ANO7: variants seen among roughly 807,000 people sequenced by gnomAD.
The protein encoded by ANO7 is anoctamin-7.
ANO7 carries 114 observed loss-of-function variants against 115.8 expected under a neutral mutation model. The ratio of observed to expected loss-of-function variants is 0.98; its 90% CI spans 0.85 to 1.15. The LOEUF is 1.15. Among genes scored for constraint, ANO7 ranks in the 50% most tolerant of loss-of-function variants. ANO7 has a pLI of 0.00. For missense variants in ANO7, 1,302 were observed against 1,201.2 expected (o/e 1.08, Z -1.24); for synonymous variants, 550 against 498.2 (o/e 1.10, Z -1.38).
At chr2:241,235,064 T>C in the ANO7 span, 6 of 1,585,844 alleles carry the variant, frequency 3.8e-6, no homozygotes, top group East Asian at 4.5e-5. Context: ...GATTCTGACA[T>C]GTGCCCAAAG....
In ANO7 at chr2:241,188,810, A is replaced by G; in HGVS notation, c.-8+44A>G. 1 of 1,592,908 alleles carries G rather than the reference A, an allele frequency of 6.3e-7. No homozygotes were observed. Among genetic ancestry groups the G allele is most frequent in the Non-Finnish European group, 8.6e-7 (1 of 1,167,328 alleles). ...CGTGTGGGCCACAGGGAGAAGGTGGAGCGTTGGACTCTAGGGAGGCAGGGC... is the reference window on the plus strand; with the variant it reads ...CGTGTGGGCCACAGGGAGAAGGTGGGGCGTTGGACTCTAGGGAGGCAGGGC... On this transcript the variant is annotated intron_variant, in intron 1 of 24. Coordinates refer to ENST00000674324, the MANE Select transcript of ANO7 (RefSeq NM_001370694.2). This position sits in a 1 kb window ranked among gnomAD's most constrained non-coding sequence, Gnocchi z 4.3.
In ANO7 at chr2:241,203,484, A is replaced by G; in HGVS notation, c.875A>G (p.Tyr292Cys). The G allele has an allele frequency of 2.0e-6, 3 of 1,528,906 alleles. No homozygotes were observed. Among genetic ancestry groups the G allele is most frequent in the Admixed American group, 2.0e-5 (1 of 49,734 alleles). 94.7% of individuals were successfully genotyped at this position (1,528,906 alleles called of 1,614,324 possible). A position where few individuals can be genotyped will look rare whatever the true frequency, so the allele number is the denominator to read the frequency against. ...TACTTCGGGGAGAAGGTGGCCCTCT[A>G]CTTCGCCTGGCTCGGTGAGTCCCCC... The part of the protein sequence containing the change: ...RRYFGEKVAL[Y>C]FAWLGFYTGW... Residue 292 changes from tyrosine (Y) to cysteine (C), a missense_variant, in exon 9 of 25, where the codon TAC becomes TGC. By Grantham distance (194) the Tyr-to-Cys change is radical. Coordinates refer to ENST00000674324, the MANE Select transcript of ANO7 (RefSeq NM_001370694.2). This position sits in a 1 kb window ranked among gnomAD's most constrained non-coding sequence, Gnocchi z 4.8.
At position 241,210,278 on chromosome 2, in the gene ANO7, C is replaced by T. The variant is rs1345291396; in HGVS notation, c.1360-17C>T. The stretch of plus-strand genomic sequence containing the variant: ...AAGACACCGTGAAGGGTCTCACGGG[C>T]CTCCCTGCCCCCGCAGGTGGCCGTG... On this transcript the variant is annotated splice_polypyrimidine_tract_variant and intron_variant, in intron 13 of 24. Transcript: ENST00000674324. The T allele has an allele frequency of 1.2e-6, 2 of 1,613,036 alleles. No individual in the cohort carries two copies.
chr2:241,222,260 A>AAAT (rs2069039701), intron 21 of ANO7, among the ~76,000 whole-genome samples: 1 of 150,048 alleles, frequency 6.7e-6, no homozygotes, highest in Admixed American at 6.6e-5. Context: ...ATAAATAAAT[A>AAAT]AATAAATAAA....
At chr2:241,236,389 C>T in the ANO7 span, 4 of 568,212 alleles carry the variant, frequency 7.0e-6, no homozygotes, top group East Asian at 5.9e-5. Context: ...GCAGCTGTCC[C>T]AGAAAGGGGC....
the ANO7 span, chr2:241,239,716 C>T: frequency 2.5e-6 from 4 of 1,614,208 alleles, no homozygotes; most frequent in African/African-American, 5.3e-5. This position sits in a 1 kb window ranked among gnomAD's most constrained non-coding sequence, Gnocchi z 4.6. Context: ...TGACCATCAC[C>T]CCGCCATACT....
rs747599463 is a variant in ANO7 at position 241,224,086 on chromosome 2, C to G, written c.2584-11C>G. 1 of 1,614,098 alleles carries G rather than the reference C, an allele frequency of 6.2e-7. No homozygotes were observed. Among genetic ancestry groups the G allele is most frequent in the East Asian group, 2.2e-5 (1 of 44,880 alleles). On this transcript the variant is annotated splice_polypyrimidine_tract_variant and intron_variant, in intron 24 of 24. Transcript: ENST00000674324. ...AGTCTGACTTGTCCCTGCCCCCAACCCTCTCCCCAGCTCAGCTCCCACTGG... is the reference window on the plus strand; with the variant it reads ...AGTCTGACTTGTCCCTGCCCCCAACGCTCTCCCCAGCTCAGCTCCCACTGG...
chr2:241,234,275 TCTC>T, the ANO7 span, among the ~76,000 whole-genome samples: 751 of 152,230 alleles, frequency 4.9e-3, 5 homozygotes, highest in African/African-American at 0.017. Flanking sequence ...GGGGCCCCGC[TCTC>T]CTCATTTGTC....
intron 21 of ANO7, among the ~76,000 whole-genome samples, chr2:241,222,323 G>A (rs540197546): frequency 5.3e-5 from 8 of 152,158 alleles, no homozygotes; most frequent in African/African-American, 1.4e-4. Context: ...AAAGAGTTAC[G>A]TCTTTGTTTA....
At chr2:241,212,871 G>T (rs558719631) in intron 17 of ANO7, 6 of 498,338 alleles carry the variant, frequency 1.2e-5, no homozygotes, top group African/African-American at 1.2e-4. Context: ...AGTGGCTCAC[G>T]CCTGTAATCT....
chr2:241,239,922 C>G, the ANO7 span: 4 of 1,614,074 alleles, frequency 2.5e-6, no homozygotes, highest in African/African-American at 5.3e-5. This position sits in a 1 kb window ranked among gnomAD's most constrained non-coding sequence, Gnocchi z 4.6. Flanking sequence ...TCAAGGCCTC[C>G]AGCTCCTTCT....
In ANO7 at chr2:241,210,277, G is replaced by C; in HGVS notation, c.1360-18G>C. The C allele has an allele frequency of 6.2e-7, 1 of 1,613,140 alleles. No homozygotes were observed. The highest frequency in any genetic ancestry group is 8.5e-7 in the Non-Finnish European group (1 of 1,179,546). On this transcript the variant is annotated intron_variant, in intron 13 of 24. Coordinates refer to ENST00000674324, the MANE Select transcript of ANO7 (RefSeq NM_001370694.2). The stretch of plus-strand genomic sequence containing the variant: ...CAAGACACCGTGAAGGGTCTCACGG[G>C]CCTCCCTGCCCCCGCAGGTGGCCGT...
intron 19 of ANO7, 146 bp downstream of exon 19, chr2:241,216,384 C>T (rs1489791378): frequency 1.1e-5 from 12 of 1,142,716 alleles, no homozygotes; most frequent in Admixed American, 6.3e-5. Context: ...AACAGAGGGT[C>T]GGGCCTGTGG....
Position 241,224,160 on chromosome 2 carries a change from G to A in ANO7, c.*7G>A. 6.2e-7 allele frequency: 1 copy of A among 1,614,062 alleles called. No homozygotes were observed. Among genetic ancestry groups the A allele is most frequent in the Non-Finnish European group, 8.5e-7 (1 of 1,180,004 alleles). On this transcript the variant is annotated 3_prime_UTR_variant, in exon 25 of 25. Coordinates refer to ENST00000674324, the MANE Select transcript of ANO7 (RefSeq NM_001370694.2). ...CAGCCAGCTGCAGCAGTGACGCCTGGAAGGACATCTGGTGGTCCTTAGGGG... is the reference window on the plus strand; with the variant it reads ...CAGCCAGCTGCAGCAGTGACGCCTGAAAGGACATCTGGTGGTCCTTAGGGG...
At chr2:241,223,418 C>T (rs2069075612) in intron 22 of ANO7, 142 bp downstream of exon 22, 1 of 1,099,628 alleles carries the variant, frequency 9.1e-7, no homozygotes, top group South Asian at 1.3e-5. Flanking sequence ...CTTCTCTGCA[C>T]CTGCGTTTTC....
intron 17 of ANO7, among the ~76,000 whole-genome samples, chr2:241,213,553 C>T (rs1274441504): frequency 6.6e-6 from 1 of 152,218 alleles, no homozygotes; most frequent in Non-Finnish European, 1.5e-5. Context: ...CTCCACTGTG[C>T]CACAGCCCCT....
chr2:241,219,904 C>G (rs79357597), intron 21 of ANO7, among the ~76,000 whole-genome samples: 5,073 of 152,270 alleles, frequency 0.033, 516 homozygotes, highest in Admixed American at 0.19. Context: ...ATTATCCTAA[C>G]AAAGCCTGAA....
the ANO7 span, among the ~76,000 whole-genome samples, chr2:241,236,984 G>T: frequency 0.033 from 4,950 of 148,318 alleles, 676 homozygotes; most frequent in Admixed American, 0.19. Flanking sequence ...CCTTGGGGGG[G>T]GGGGGGGGGG....
intron 18 of ANO7, among the ~76,000 whole-genome samples, chr2:241,215,434 C>A (rs12471975): frequency 6.6e-6 from 1 of 152,068 alleles, no homozygotes; most frequent in South Asian, 2.1e-4. Flanking sequence ...CTGACCTGAA[C>A]GCCCTCCCAG....
Sources: allele counts gnomAD v4.1 joint callset (sites outside exome capture counted in the v4.1 genomes callset), GRCh38; gene constraint gnomAD v4.1.1; non-coding constraint Gnocchi (gnomAD v3.1); transcripts MANE v1.5; gene names NCBI Gene and HGNC (gene_info 2026-07-23, HGNC 2026-07-21).